The following ACACA variants were observed in gnomAD, a reference collection of about 807,000 sequenced individuals.
ACACA encodes acetyl-CoA carboxylase 1.
Under a neutral mutation model 296.1 loss-of-function variants are expected in ACACA, and 103 were observed. The observed-to-expected ratio is 0.35, with a 90% CI of 0.30 to 0.41. The LOEUF (loss-of-function observed/expected upper bound fraction) is 0.41. ACACA is among the 10% of genes least tolerant of loss of function. The pLI is 1.00. For missense variants in ACACA, 1,554 were observed against 2,989.7 expected, an observed-to-expected ratio of 0.52 and a Z score of 11.20; for synonymous variants, 953 against 1,038.6, an observed-to-expected ratio of 0.92 and a Z score of 1.58.
rs1173872959 is a variant in ACACA, at chr17:37,342,406, CAAAAAAAAAAAA to C, written c.39-2568_39-2557del. Among the ~76,000 whole-genome samples, 23 of 21,112 alleles carry C rather than the reference CAAAAAAAAAAAA, an allele frequency of 1.1e-3. 1 individual carries two copies. In the East Asian group the frequency reaches 0.028, roughly 25 times the overall value. 13.9% of individuals were successfully genotyped at this position (21,112 alleles called of 152,430 possible). ...CTGTGGACAAAGTAAGACTGTCTCT[CAAAAAAAAAAAA>C]AAAAAAAAAAAAAAAAAAATATATA... On this transcript the variant is annotated intron_variant, in intron 1 of 55. Coordinates refer to ENST00000616317, the MANE Select transcript of ACACA (RefSeq NM_198834.3).
intron 1 of ACACA, among the ~76,000 whole-genome samples, chr17:37,403,002 T>A (rs829160): frequency 0.2 from 30,562 of 152,152 alleles, 3,498 homozygotes; most frequent in East Asian, 0.54. Flanking sequence ...TGCCTTTACT[T>A]ACTCATTTCA....
Position 37,243,488 on chromosome 17 carries a change from A to G in ACACA, c.2814T>C (p.Asp938=), listed in dbSNP as rs754238246. Residue 938 remains aspartate (D), a synonymous_variant, in exon 22 of 56, where the codon GAT becomes GAC. Transcript: ENST00000616317. ...TGCGGCCAGACACACTGGTCATAAT[A>G]TCTTGCAATTCTAGGAGAGGCAGGG... is the stretch of plus-strand genomic sequence containing the variant. ...DPSLPLLELQ[D]IMTSVSGRIP... 9 of 1,614,032 alleles carry G rather than the reference A, an allele frequency of 5.6e-6. No homozygotes were observed. Among genetic ancestry groups the G allele is most frequent in the African/African-American group, 5.3e-5 (4 of 74,900 alleles).
At chr17:37,095,986 G>A (rs1370738204) in intron 54 of ACACA, among the ~76,000 whole-genome samples, 1 of 152,074 alleles carries the variant, frequency 6.6e-6, no homozygotes, top group Non-Finnish European at 1.5e-5. Flanking sequence ...TCTAGGTCAC[G>A]AGCCCTCTCT....
intron 38 of ACACA, among the ~76,000 whole-genome samples, chr17:37,189,485 C>G (rs575467589): frequency 6.6e-6 from 1 of 152,120 alleles, no homozygotes; most frequent in Non-Finnish European, 1.5e-5. Context: ...GCTTGTTAAC[C>G]AAGAGATATT....
chr17:37,289,618 T>A, intron 3 of ACACA: 1 of 662,904 alleles, frequency 1.5e-6, no homozygotes, highest in Non-Finnish European at 2.6e-6. Context: ...TACATTTAGA[T>A]ACCTAACCAA....
intron 1 of ACACA, among the ~76,000 whole-genome samples, chr17:37,364,164 G>A (rs1180969999): frequency 6.6e-6 from 1 of 151,880 alleles, no homozygotes; most frequent in Non-Finnish European, 1.5e-5. Flanking sequence ...GGGTATGGTG[G>A]CACGTGCCTG....
intron 1 of ACACA, among the ~76,000 whole-genome samples, chr17:37,376,981 T>A (rs971907309): frequency 6.6e-6 from 1 of 151,890 alleles, no homozygotes; most frequent in South Asian, 2.1e-4. Context: ...AATAAAAAAA[T>A]AAAATTAGCT....
chr17:37,323,862 T>C (rs776442817), intron 3 of ACACA, among the ~76,000 whole-genome samples: 3 of 152,164 alleles, frequency 2.0e-5, no homozygotes, highest in Non-Finnish European at 4.4e-5. Flanking sequence ...TCAAGTGACA[T>C]CCCATAGGAG....
In ACACA at chr17:37,259,354, A is replaced by T. The variant is rs2081346822; in HGVS notation, c.1500+6T>A. Reference sequence around the variant, plus strand: ...AGGCTCTGCAACCCAGATCAGGGAGACTCACCTGGAGCTGTGCTGCAGGGA... The same window carrying T: ...AGGCTCTGCAACCCAGATCAGGGAGTCTCACCTGGAGCTGTGCTGCAGGGA... On this transcript the variant is annotated splice_donor_region_variant and intron_variant, in intron 12 of 55. Coordinates refer to ENST00000616317, the MANE Select transcript of ACACA (RefSeq NM_198834.3). 6.2e-7 allele frequency: 1 copy of T among 1,613,834 alleles called. No homozygotes were observed. The highest frequency in any genetic ancestry group is 1.7e-5 in the Admixed American group (1 of 59,984).
intron 48 of ACACA, among the ~76,000 whole-genome samples, chr17:37,124,570 C>T (rs1446825775): frequency 6.6e-6 from 1 of 152,182 alleles, no homozygotes. Context: ...TCAGGGTTCT[C>T]GCTCCAGTGT....
intron 39 of ACACA, among the ~76,000 whole-genome samples, chr17:37,186,506 A>G (rs79986793): frequency 0.015 from 2,316 of 152,356 alleles, 29 homozygotes; most frequent in East Asian, 0.048. Context: ...ATGATTCATT[A>G]AAGAAAGGGA....
In ACACA at chr17:37,221,840, C is replaced by T. The variant is rs767413869; in HGVS notation, c.3567G>A (p.Val1189=). The T allele has an allele frequency of 2.5e-6, 4 of 1,610,318 alleles. No individual in the cohort carries two copies. Among genetic ancestry groups the T allele is most frequent in the Middle Eastern group, 1.7e-4 (1 of 6,054 alleles). ...AGGCAATATAAGCCCTTCGAACATA[C>T]ACCTGGTTCAAAAGAAACCCTCAGT... ...NQVVRMAALE[V]YVRRAYIAYE... is the part of the protein sequence containing the mutation. The change falls in exon 29 of 56, where the codon GTG becomes GTA. Residue 1189 remains valine, a splice_region_variant and synonymous_variant. Coordinates refer to ENST00000616317, the MANE Select transcript of ACACA (RefSeq NM_198834.3).
intron 2 of ACACA, among the ~76,000 whole-genome samples, chr17:37,338,791 T>A (rs147087251): frequency 4.0e-5 from 6 of 151,550 alleles, no homozygotes; most frequent in African/African-American, 1.5e-4. Flanking sequence ...ATACAAAAAA[T>A]TAGCCAGGCG....
intron 16 of ACACA, among the ~76,000 whole-genome samples, chr17:37,251,726 T>C (rs775254101): frequency 3.3e-5 from 5 of 152,232 alleles, no homozygotes; most frequent in Non-Finnish European, 5.9e-5. Flanking sequence ...TTGATACTTA[T>C]ACAGGACAGA....
At position 37,402,963 on chromosome 17, in the gene ACACA, C is replaced by A. The variant is rs148383598; in HGVS notation, c.38+3299G>T. On this transcript the variant is annotated intron_variant, in intron 1 of 55. Coordinates refer to ENST00000616317, the MANE Select transcript of ACACA (RefSeq NM_198834.3). ...CTGGGATTACAGGCGTGAGCCACTG[C>A]ACCCAGCCAGTGACTTCATTTTTAC... is the stretch of plus-strand genomic sequence containing the variant. 7.9e-3 allele frequency among the ~76,000 whole-genome samples: 1,203 copies of A among 152,330 alleles called. 11 individuals carry two copies. Among genetic ancestry groups the A allele is most frequent in the Middle Eastern group, 0.02 (6 of 294 alleles).
intron 29 of ACACA, among the ~76,000 whole-genome samples, chr17:37,219,120 G>T (rs765779377): frequency 6.6e-6 from 1 of 152,202 alleles, no homozygotes; most frequent in Non-Finnish European, 1.5e-5. Context: ...CCAGACCTCT[G>T]GGAGGGGAGA....
At position 37,129,492 on chromosome 17, in the gene ACACA, G is replaced by A; in HGVS notation, c.5824-7C>T. On this transcript the variant is annotated splice_polypyrimidine_tract_variant and splice_region_variant and intron_variant, in intron 46 of 55. Coordinates refer to ENST00000616317, the MANE Select transcript of ACACA (RefSeq NM_198834.3). The stretch of plus-strand genomic sequence containing the variant: ...GAACTGAACTGTGCACGCTCTAAAA[G>A]GAGATTGGAAGAGAGCACAGCAATC... 1 of 1,613,922 alleles carries A rather than the reference G, an allele frequency of 6.2e-7. No homozygotes were observed. Among genetic ancestry groups the A allele is most frequent in the Non-Finnish European group, 8.5e-7 (1 of 1,179,904 alleles).
At chr17:37,224,423 G>A (rs531110257) in intron 27 of ACACA, among the ~76,000 whole-genome samples, 33 of 152,026 alleles carry the variant, frequency 2.2e-4, no homozygotes, top group Non-Finnish European at 4.4e-4. Context: ...AAAATATAAA[G>A]TCATTCCTGA....
rs957380359 is a variant in ACACA at position 37,207,565 on chromosome 17, G to T, written c.3851+92C>A. The T allele has an allele frequency of 8.7e-6, 13 of 1,489,608 alleles. No individual in the cohort carries two copies. The Admixed American group carries it at 2.1e-4, about 24-fold the overall frequency. The allele number at this position is 1,489,608 out of a possible 1,614,324, so 92.3% of individuals were successfully genotyped here. A position where few individuals can be genotyped will look rare whatever the true frequency, so the allele number is the denominator to read the frequency against. On this transcript the variant is annotated intron_variant, in intron 31 of 55. Coordinates refer to ENST00000616317, the MANE Select transcript of ACACA (RefSeq NM_198834.3). ...TTTTTAGCTGGCTCATGGCTATTCG[G>T]GAGACCTTTATTCATTTTGCAGAAA...
Sources: allele counts gnomAD v4.1 joint callset (sites outside exome capture counted in the v4.1 genomes callset), GRCh38; gene constraint gnomAD v4.1.1; transcripts MANE v1.5; gene names NCBI Gene and HGNC (gene_info 2026-07-23, HGNC 2026-07-21).